The following LPP variants were observed in gnomAD, a reference collection of about 807,000 sequenced individuals.
LPP encodes the protein LIM domain containing preferred translocation partner in lipoma.
Under a neutral mutation model 60.4 loss-of-function variants are expected in LPP, and 38 were observed. The observed-to-expected ratio is 0.63, with a 90% CI of 0.49 to 0.83. The LOEUF is 0.83. Among genes scored for constraint, LPP ranks in the 40% least tolerant of loss-of-function variants. LPP has a pLI of 0.00. For synonymous variants in LPP, 328 were observed against 290.8 expected, an observed-to-expected ratio of 1.13 and a Z score of -1.30; for missense variants, 902 against 783.6, an observed-to-expected ratio of 1.15 and a Z score of -1.80.
intron 1 of LPP, among the ~76,000 whole-genome samples, chr3:188,196,189 C>T (rs1423798271): frequency 6.6e-6 from 1 of 152,142 alleles, no homozygotes; most frequent in African/African-American, 2.4e-5. Flanking sequence ...TCTTGTATCC[C>T]ATAAATACAA....
chr3:188,353,904 A>C (rs1021998018), intron 3 of LPP, among the ~76,000 whole-genome samples: 5 of 152,210 alleles, frequency 3.3e-5, no homozygotes, highest in Admixed American at 6.5e-5. Flanking sequence ...AATATAAAGA[A>C]AAAGGCACTC....
intron 3 of LPP, among the ~76,000 whole-genome samples, chr3:188,365,082 CCT>C (rs1770709272): frequency 6.6e-6 from 1 of 150,730 alleles, no homozygotes; most frequent in Non-Finnish European, 1.5e-5. Flanking sequence ...ATGTTTTTTT[CCT>C]CTCTCAGATG....
intron 9 of LPP, among the ~76,000 whole-genome samples, chr3:188,789,519 C>T (rs1447737752): frequency 6.6e-6 from 1 of 152,184 alleles, no homozygotes; most frequent in African/African-American, 2.4e-5. Context: ...TATGCATGTA[C>T]TATGATTCAA....
At chr3:188,821,945 C>T (rs550388327) in intron 9 of LPP, among the ~76,000 whole-genome samples, 18 of 152,122 alleles carry the variant, frequency 1.2e-4, no homozygotes, top group Admixed American at 9.8e-4. Context: ...TGATTTATTT[C>T]TATGTGGGCT....
chr3:188,539,157 T>A (rs1031606068), intron 6 of LPP, among the ~76,000 whole-genome samples: 2 of 152,234 alleles, frequency 1.3e-5, no homozygotes, highest in African/African-American at 4.8e-5. Context: ...TTTTATGGTA[T>A]GTGAATCATG....
chr3:188,739,626 C>G (rs1019834255), intron 8 of LPP, among the ~76,000 whole-genome samples: 2 of 152,042 alleles, frequency 1.3e-5, no homozygotes. Context: ...TAAGATAAAT[C>G]TAGAAATCTA....
chr3:188,510,325 C>T (rs995566092), intron 5 of LPP, among the ~76,000 whole-genome samples: 1 of 151,838 alleles, frequency 6.6e-6, no homozygotes, highest in Non-Finnish European at 1.5e-5. Context: ...TGTACGTGCT[C>T]CAATAACCCT....
intron 1 of LPP, among the ~76,000 whole-genome samples, chr3:188,175,220 G>A (rs961848041): frequency 3.3e-5 from 5 of 151,996 alleles, no homozygotes; most frequent in Non-Finnish European, 7.4e-5. Context: ...CAAGTAGCTG[G>A]GATTACAGGT....
chr3:188,631,413 T>C lies in LPP; in HGVS notation c.1113+21569T>C, dbSNP rs567205261. Among the ~76,000 whole-genome samples, 5 of 152,286 alleles carry C rather than the reference T, an allele frequency of 3.3e-5. No individual in the cohort carries two copies. In the South Asian group the frequency reaches 1.0e-3, roughly 32 times the overall value. On this transcript the variant is annotated intron_variant, in intron 7 of 11. Transcript: ENST00000617246. ...ACAACACCCTTACTCTTACTGCAGA[T>C]TCATAGCTGATGAGTTCTATTTTGT... is the stretch of plus-strand genomic sequence containing the variant.
intron 9 of LPP, among the ~76,000 whole-genome samples, chr3:188,813,157 A>G (rs1212720754): frequency 6.6e-6 from 1 of 152,208 alleles, no homozygotes; most frequent in East Asian, 1.9e-4. Context: ...TCGAATTAGA[A>G]AAATGGTCTT....
rs79599466 is a variant in LPP at position 188,307,030 on chromosome 3, T to G, written c.-66-34633T>G. ...TGCATCTTCTGTGCATATTTTTAACTGGTAGAGATAACAGTAAATGATGGC... is the reference window on the plus strand; with the variant it reads ...TGCATCTTCTGTGCATATTTTTAACGGGTAGAGATAACAGTAAATGATGGC... On this transcript the variant is annotated intron_variant, in intron 2 of 11. Coordinates refer to ENST00000617246, the MANE Select transcript of LPP (RefSeq NM_001375462.1). Among the ~76,000 whole-genome samples, 1,506 of 152,364 alleles carry G rather than the reference T, an allele frequency of 9.9e-3. 22 individuals carry two copies. The highest frequency in any genetic ancestry group is 0.034 in the African/African-American group (1,426 of 41,582).
At chr3:188,545,516 T>TA (rs1393280635) in intron 6 of LPP, among the ~76,000 whole-genome samples, 1 of 152,088 alleles carries the variant, frequency 6.6e-6, no homozygotes, top group Non-Finnish European at 1.5e-5. Context: ...GCAATTTTGA[T>TA]AGTACTCCAT....
At chr3:188,407,780 G>GTTTTTTTTT (rs1268002703) in intron 4 of LPP, among the ~76,000 whole-genome samples, 5 of 94,922 alleles carry the variant, frequency 5.3e-5, no homozygotes, top group Admixed American at 2.3e-4. Flanking sequence ...TTTTTTTTTT[G>GTTTTTTTTT]TTTGTTTGTT....
intron 2 of LPP, among the ~76,000 whole-genome samples, chr3:188,298,116 C>T (rs1165431854): frequency 6.6e-6 from 1 of 152,142 alleles, no homozygotes; most frequent in African/African-American, 2.4e-5. Context: ...AATGAACATC[C>T]TTTGCAAACC....
At chr3:188,228,641 A>T (rs2149344538) in intron 2 of LPP, among the ~76,000 whole-genome samples, 2 of 152,336 alleles carry the variant, frequency 1.3e-5, no homozygotes, top group South Asian at 4.1e-4. Flanking sequence ...ACAAAATCCC[A>T]AATGACTGGA....
At chr3:188,869,867 T>G (rs1205009451) in intron 10 of LPP, among the ~76,000 whole-genome samples, 2 of 152,216 alleles carry the variant, frequency 1.3e-5, no homozygotes, top group Non-Finnish European at 2.9e-5. Context: ...CTTTCACATA[T>G]GTCATTTCAG....
At position 188,874,565 on chromosome 3, in the gene LPP, C is replaced by G; in HGVS notation, c.*86C>G. The G allele has an allele frequency of 2.8e-6, 4 of 1,429,764 alleles. No individual in the cohort carries two copies. Among genetic ancestry groups the G allele is most frequent in the East Asian group, 4.6e-5 (2 of 43,028 alleles). The allele number at this position is 1,429,764 out of a possible 1,614,324, so 88.6% of individuals were successfully genotyped here. ...CTAGAGTAAAGGCCATCAAACTACG[C>G]GATAGTCTCTGTTCTTCATCTGCTA... On this transcript the variant is annotated 3_prime_UTR_variant, in exon 12 of 12. Coordinates refer to ENST00000617246, the MANE Select transcript of LPP (RefSeq NM_001375462.1).
intron 2 of LPP, among the ~76,000 whole-genome samples, chr3:188,241,749 A>G (rs2149473154): frequency 6.6e-6 from 1 of 152,298 alleles, no homozygotes; most frequent in Admixed American, 6.5e-5. Flanking sequence ...TATAACTACT[A>G]CTATATACGT....
At chr3:188,586,187 C>T (rs1231075267) in intron 6 of LPP, among the ~76,000 whole-genome samples, 1 of 152,088 alleles carries the variant, frequency 6.6e-6, no homozygotes, top group Non-Finnish European at 1.5e-5. Context: ...GCCTGTTTTA[C>T]GTTGAGTGCA....
Sources: allele counts gnomAD v4.1 joint callset (sites outside exome capture counted in the v4.1 genomes callset), GRCh38; gene constraint gnomAD v4.1.1; transcripts MANE v1.5; gene names NCBI Gene and HGNC (gene_info 2026-07-23, HGNC 2026-07-21).